Variants in FSTL4 observed in about 807,000 individuals in gnomAD.
FSTL4 encodes follistatin like 4, also known as follistatin-related protein 4.
A neutral mutation model predicts 78.2 loss-of-function variants in FSTL4; 28 were observed. The observed-to-expected ratio is 0.36, with a 90% confidence interval of 0.27 to 0.49. The LOEUF (loss-of-function observed/expected upper bound fraction) is 0.49. Ranked by LOEUF, FSTL4 falls within the 20% of genes least tolerant of loss-of-function variation. The pLI, the probability that FSTL4 is intolerant of heterozygous loss-of-function variation, is 0.98. For synonymous variants in FSTL4, 422 were observed against 440.5 expected, an observed-to-expected ratio of 0.96 and a Z score of 0.53; for missense variants, 922 against 1,084.9, an observed-to-expected ratio of 0.85 and a Z score of 2.11.
intron 4 of FSTL4, among the ~76,000 whole-genome samples, chr5:133,337,494 T>C (rs972023771): frequency 1.3e-5 from 2 of 152,148 alleles, no homozygotes; most frequent in Non-Finnish European, 2.9e-5. Flanking sequence ...TTTATCTGGA[T>C]TGCATCCACC....
At chr5:133,240,331 G>A (rs965316734) in intron 7 of FSTL4, among the ~76,000 whole-genome samples, 1 of 152,234 alleles carries the variant, frequency 6.6e-6, no homozygotes, top group African/African-American at 2.4e-5. Context: ...GCAAAGACCT[G>A]AGGAACCATC....
intron 4 of FSTL4, among the ~76,000 whole-genome samples, chr5:133,384,645 C>T (rs758879450): frequency 2.6e-5 from 4 of 152,174 alleles, no homozygotes; most frequent in Non-Finnish European, 5.9e-5. Flanking sequence ...TGAATGTCCT[C>T]GATGCCTCCT....
intron 3 of FSTL4, among the ~76,000 whole-genome samples, chr5:133,560,134 G>C (rs1485435702): frequency 6.6e-6 from 1 of 152,194 alleles, no homozygotes; most frequent in Non-Finnish European, 1.5e-5. Context: ...GCTGTCCCAG[G>C]GCAAAGGCTA....
At chr5:133,694,076 T>A in the FSTL4 span, among the ~76,000 whole-genome samples, 1 of 152,218 alleles carries the variant, frequency 6.6e-6, no homozygotes, top group Non-Finnish European at 1.5e-5. Flanking sequence ...CCTATAAGCC[T>A]TACCTGAATT....
At chr5:133,665,371 G>A in the FSTL4 span, among the ~76,000 whole-genome samples, 2 of 152,318 alleles carry the variant, frequency 1.3e-5, no homozygotes, top group Admixed American at 1.3e-4. Flanking sequence ...ACAAGAAGGA[G>A]GATAAATAAC....
At chr5:133,269,637 T>C (rs748190535) in intron 6 of FSTL4, among the ~76,000 whole-genome samples, 18 of 152,238 alleles carry the variant, frequency 1.2e-4, no homozygotes, top group Admixed American at 2.0e-4. Flanking sequence ...CCCAATGCTC[T>C]GGCCCAAGCC....
the FSTL4 span, among the ~76,000 whole-genome samples, chr5:133,642,708 C>A: frequency 1.3e-5 from 2 of 152,194 alleles, no homozygotes; most frequent in African/African-American, 2.4e-5. Flanking sequence ...CACAGCAGGA[C>A]AGAGTTGTAC....
chr5:133,667,026 T>C, the FSTL4 span, among the ~76,000 whole-genome samples: 1 of 152,156 alleles, frequency 6.6e-6, no homozygotes, highest in Non-Finnish European at 1.5e-5. Context: ...CTATTTAATA[T>C]CTTCACTTGG....
intron 3 of FSTL4, among the ~76,000 whole-genome samples, chr5:133,461,137 T>C (rs1454589450): frequency 1.3e-5 from 2 of 152,214 alleles, no homozygotes; most frequent in Non-Finnish European, 2.9e-5. Flanking sequence ...AGCAAAACTC[T>C]CTTGTGAGTT....
chr5:133,276,379 G>T (rs1411992867), intron 6 of FSTL4, among the ~76,000 whole-genome samples: 2 of 152,212 alleles, frequency 1.3e-5, no homozygotes, highest in Non-Finnish European at 2.9e-5. Context: ...CGGAAGGTCT[G>T]TCCCGCCCTG....
At chr5:133,771,348 T>C in the FSTL4 span, among the ~76,000 whole-genome samples, 1 of 152,176 alleles carries the variant, frequency 6.6e-6, no homozygotes, top group Non-Finnish European at 1.5e-5. Context: ...TTCTAATCCA[T>C]GAGCATGGGA....
chr5:133,316,361 A>G, intron 5 of FSTL4, 98 bp downstream of exon 5: 1 of 857,176 alleles, frequency 1.2e-6, no homozygotes, highest in Non-Finnish European at 1.9e-6. Context: ...ATGTTCTCAG[A>G]GGTATTGAAC....
chr5:133,240,605 C>T (rs1394406244), intron 7 of FSTL4, among the ~76,000 whole-genome samples: 1 of 152,152 alleles, frequency 6.6e-6, no homozygotes, highest in East Asian at 1.9e-4. Context: ...TGGGTGTCCT[C>T]TGGTGTGTGC....
the FSTL4 span, among the ~76,000 whole-genome samples, chr5:133,775,911 G>C: frequency 6.6e-6 from 1 of 152,164 alleles, no homozygotes; most frequent in Non-Finnish European, 1.5e-5. Flanking sequence ...AATGTTAATT[G>C]TTTATTTTGT....
the FSTL4 span, among the ~76,000 whole-genome samples, chr5:133,806,924 A>C: frequency 2.0e-5 from 3 of 152,202 alleles, no homozygotes; most frequent in Non-Finnish European, 2.9e-5. Context: ...TGCAGAGCCC[A>C]CCTAGTCAGG....
At chr5:133,836,477 A>G in the FSTL4 span, among the ~76,000 whole-genome samples, 3 of 152,112 alleles carry the variant, frequency 2.0e-5, no homozygotes, top group African/African-American at 7.2e-5. Flanking sequence ...TGTGTATTTT[A>G]ATTGTATATT....
the FSTL4 span, among the ~76,000 whole-genome samples, chr5:133,722,933 C>T: frequency 1.3e-5 from 2 of 152,126 alleles, no homozygotes; most frequent in Admixed American, 1.3e-4. Context: ...ATGATGGTGG[C>T]CACATAGGTA....
chr5:133,779,454 C>T, the FSTL4 span, among the ~76,000 whole-genome samples: 5 of 152,072 alleles, frequency 3.3e-5, no homozygotes, highest in South Asian at 2.1e-4. Context: ...GGTGTGGTGG[C>T]GGGCACCTGT....
chr5:133,757,819 C>A, the FSTL4 span, among the ~76,000 whole-genome samples: 1 of 152,306 alleles, frequency 6.6e-6, no homozygotes, highest in Non-Finnish European at 1.5e-5. Flanking sequence ...GAGGTGGTAA[C>A]TCCACAGATG....
Sources: gnomAD v4.1 joint callset for allele counts (sites outside exome capture counted in the v4.1 genomes callset) on GRCh38, gnomAD v4.1.1 for gene constraint, MANE v1.5 for transcripts, NCBI Gene and HGNC (gene_info 2026-07-23, HGNC 2026-07-21) for gene names.